The following KCNMA1 variants were observed in gnomAD, a reference collection of about 807,000 sequenced individuals.
The protein encoded by KCNMA1 is Calcium-activated potassium channel subunit alpha-1.
A neutral mutation model predicts 140.0 loss-of-function variants in KCNMA1; 29 were observed. The ratio of observed to expected loss-of-function variants is 0.21; its 90% CI spans 0.15 to 0.28. The LOEUF (loss-of-function observed/expected upper bound fraction) is 0.28, where lower values mean the gene tolerates loss of function less well. Among genes scored for constraint, KCNMA1 ranks in the 10% least tolerant of loss-of-function variants. The pLI is 1.00. For synonymous variants in KCNMA1, 612 were observed against 611.9 expected (o/e 1.00, Z 0.00); for missense variants, 880 against 1,602.2 (o/e 0.55, Z 7.70).
rs578250263 is a variant in KCNMA1, at chr10:76,935,891, TC to T, written c.2902+8881del. On this transcript the variant is annotated intron_variant, in intron 23 of 27. Coordinates refer to ENST00000286628, the MANE Select transcript of KCNMA1 (RefSeq NM_001161352.2). The stretch of plus-strand genomic sequence containing the variant: ...TACTTTTTCTTCTGCACATCCACTC[TC>T]CAAGAAAGTCTTTCATGCATGGAGG... Among the ~76,000 whole-genome samples the T allele has an allele frequency of 2.9e-4, 44 of 152,302 alleles. 1 individual carries two copies. The highest frequency in any genetic ancestry group is 1.0e-3 in the African/African-American group (43 of 41,562).
At chr10:77,277,980 C>A (rs977759226) in intron 2 of KCNMA1, among the ~76,000 whole-genome samples, 1 of 152,164 alleles carries the variant, frequency 6.6e-6, no homozygotes, top group Non-Finnish European at 1.5e-5. Context: ...TTAATCAATA[C>A]CAAGAGCTGT....
chr10:77,594,394 C>T (rs1195449221), intron 1 of KCNMA1, among the ~76,000 whole-genome samples: 3 of 152,192 alleles, frequency 2.0e-5, no homozygotes, highest in East Asian at 3.9e-4. Context: ...CAGAGGGTGA[C>T]CCAGGCACAC....
chr10:76,880,994 C>T (rs1376253218), downstream of KCNMA1, among the ~76,000 whole-genome samples: 7 of 152,124 alleles, frequency 4.6e-5, 1 homozygote, highest in African/African-American at 7.2e-5. Context: ...CAATGTGTGA[C>T]ATGTCAGGAG....
At chr10:77,375,923 C>A (rs1309312341) in intron 2 of KCNMA1, among the ~76,000 whole-genome samples, 1 of 152,222 alleles carries the variant, frequency 6.6e-6, no homozygotes, top group Non-Finnish European at 1.5e-5. Context: ...AACCTCTGCA[C>A]AGTCCTGCTG....
chr10:77,464,600 A>C (rs1425075167), intron 1 of KCNMA1, among the ~76,000 whole-genome samples: 1 of 152,160 alleles, frequency 6.6e-6, no homozygotes, highest in East Asian at 1.9e-4. Context: ...TCACTACTGC[A>C]CTTGAGAAAT....
intron 19 of KCNMA1, among the ~76,000 whole-genome samples, chr10:76,988,799 G>A (rs1221747206): frequency 6.6e-6 from 1 of 152,120 alleles, no homozygotes. Flanking sequence ...ATGATCCCAG[G>A]ACCTAAGGAT....
intron 1 of KCNMA1, among the ~76,000 whole-genome samples, chr10:77,629,702 G>C (rs1055414219): frequency 3.3e-5 from 5 of 152,188 alleles, no homozygotes; most frequent in Non-Finnish European, 7.3e-5. Context: ...GCCCTAACAA[G>C]CAGGGAGTCA....
chr10:77,367,685 T>C (rs781770968), intron 2 of KCNMA1, among the ~76,000 whole-genome samples: 5 of 152,232 alleles, frequency 3.3e-5, no homozygotes, highest in Non-Finnish European at 7.3e-5. Flanking sequence ...CCAAAAACTA[T>C]CTTGCATTAT....
At chr10:77,155,468 T>C (rs1208280833) in intron 5 of KCNMA1, among the ~76,000 whole-genome samples, 1 of 152,132 alleles carries the variant, frequency 6.6e-6, no homozygotes, top group Non-Finnish European at 1.5e-5. Context: ...GAAGCTCACC[T>C]AGCAATGAGA....
At chr10:77,396,536 C>T (rs1051534017) in intron 2 of KCNMA1, among the ~76,000 whole-genome samples, 1 of 152,202 alleles carries the variant, frequency 6.6e-6, no homozygotes, top group Non-Finnish European at 1.5e-5. Context: ...GCAAACAGCA[C>T]ATCAGTGAAT....
At chr10:77,174,079 C>T (rs1414872159) in intron 5 of KCNMA1, among the ~76,000 whole-genome samples, 4 of 152,102 alleles carry the variant, frequency 2.6e-5, no homozygotes, top group African/African-American at 9.7e-5. Flanking sequence ...CACCAGAGAC[C>T]TTTCCTTTCA....
At chr10:77,265,728 T>G (rs1323457852) in intron 2 of KCNMA1, among the ~76,000 whole-genome samples, 1 of 152,096 alleles carries the variant, frequency 6.6e-6, no homozygotes, top group African/African-American at 2.4e-5. Context: ...AGGTACCTCA[T>G]GAATTTAACC....
chr10:77,011,978 C>T lies in KCNMA1; in HGVS notation c.2081G>A (p.Gly694Asp), dbSNP rs201938802. 2 of 1,613,720 alleles carry T rather than the reference C, an allele frequency of 1.2e-6. No homozygotes were observed. The highest frequency in any genetic ancestry group is 1.7e-6 in the Non-Finnish European group (2 of 1,179,838). ...GAAACACTACTTACGCCGTTTGCAGCCACATTTTTTTATTCTTTTGGGATC... is the reference window on the plus strand; with the variant it reads ...GAAACACTACTTACGCCGTTTGCAGTCACATTTTTTTATTCTTTTGGGATC... ...ITDPKRIKKC[G>D]CKRPKMSIYK... The change falls in exon 18 of 28, where the codon GGC becomes GAC. Residue 694 changes from glycine (G) to aspartate (D), a missense_variant. Physicochemically the swap from Gly to Asp is moderately conservative, Grantham distance 94. Coordinates refer to ENST00000286628, the MANE Select transcript of KCNMA1 (RefSeq NM_001161352.2).
intron 2 of KCNMA1, among the ~76,000 whole-genome samples, chr10:77,372,023 G>A (rs1298516322): frequency 1.3e-5 from 2 of 152,130 alleles, no homozygotes; most frequent in African/African-American, 4.8e-5. Context: ...TGTTTCCCTA[G>A]CTAAATTGTA....
intron 1 of KCNMA1, among the ~76,000 whole-genome samples, chr10:77,516,981 G>A (rs1461517922): frequency 2.0e-5 from 3 of 149,040 alleles, no homozygotes; most frequent in African/African-American, 7.5e-5. Context: ...TGGACATAGG[G>A]ATGTGTGTTT....
chr10:77,300,804 C>T (rs2076360505), intron 2 of KCNMA1, among the ~76,000 whole-genome samples: 3 of 152,150 alleles, frequency 2.0e-5, no homozygotes, highest in Non-Finnish European at 4.4e-5. Context: ...TTCTCCAGCC[C>T]CTCTGGACTC....
rs115448124 is a variant in KCNMA1, at chr10:77,182,524, G to A, written c.808+897C>T. Among the ~76,000 whole-genome samples the A allele has an allele frequency of 9.2e-3, 1,407 of 152,324 alleles. 22 individuals are homozygous for A. Among genetic ancestry groups the A allele is most frequent in the African/African-American group, 0.032 (1,350 of 41,576 alleles). On this transcript the variant is annotated intron_variant, in intron 5 of 27. Transcript: ENST00000286628. The stretch of plus-strand genomic sequence containing the variant: ...GTGGGTGTCTAAAGGAGGAGGCAGT[G>A]ATGGAGGCAAGGGGAAAAGATGATG...
At chr10:77,123,695 T>A (rs2097675678) in intron 5 of KCNMA1, among the ~76,000 whole-genome samples, 1 of 152,188 alleles carries the variant, frequency 6.6e-6, no homozygotes, top group African/African-American at 2.4e-5. Context: ...ATGCATTATA[T>A]ACACACACCT....
intron 1 of KCNMA1, among the ~76,000 whole-genome samples, chr10:77,578,804 T>G (rs1196704843): frequency 6.6e-6 from 1 of 152,162 alleles, no homozygotes; most frequent in African/African-American, 2.4e-5. Flanking sequence ...AGACATGGAC[T>G]CTCATCCCCT....
Sources: allele counts gnomAD v4.1 joint callset (sites outside exome capture counted in the v4.1 genomes callset), GRCh38; gene constraint gnomAD v4.1.1; transcripts MANE v1.5; gene names NCBI Gene and HGNC (gene_info 2026-07-23, HGNC 2026-07-21).